Variants in SAMD12 observed in about 807,000 individuals in gnomAD.
The protein encoded by SAMD12 is sterile alpha motif domain containing 12.
Under a neutral mutation model 15.0 loss-of-function variants are expected in SAMD12, and 9 were observed. The ratio of observed to expected loss-of-function variants is 0.60; its 90% CI spans 0.36 to 1.05. The LOEUF (loss-of-function observed/expected upper bound fraction) is 1.05, where lower values mean the gene tolerates loss of function less well. Among genes scored for constraint, SAMD12 ranks in the 50% least tolerant of loss-of-function variants. The pLI is 0.01. For synonymous variants in SAMD12, 86 were observed against 90.1 expected (o/e 0.96, Z 0.25); for missense variants, 230 against 234.2 (o/e 0.98, Z 0.12).
the SAMD12 span, among the ~76,000 whole-genome samples, chr8:118,143,335 A>C: frequency 6.6e-6 from 1 of 152,230 alleles, no homozygotes; most frequent in African/African-American, 2.4e-5. Context: ...ATGTAAAAAA[A>C]ATTCACTAAG....
chr8:118,365,202 G>C (rs933603798), intron 4 of SAMD12, among the ~76,000 whole-genome samples: 2 of 151,964 alleles, frequency 1.3e-5, no homozygotes, highest in African/African-American at 2.4e-5. Flanking sequence ...ACTATATTAG[G>C]CTTCTTCATG....
chr8:118,145,640 C>T, the SAMD12 span, among the ~76,000 whole-genome samples: 3 of 152,078 alleles, frequency 2.0e-5, no homozygotes, highest in East Asian at 1.9e-4. Context: ...AAGCCGTGAA[C>T]GTGAAAGGGT....
At chr8:118,619,695 AG>A (rs1444007269) in intron 1 of SAMD12, among the ~76,000 whole-genome samples, 1 of 152,052 alleles carries the variant, frequency 6.6e-6, no homozygotes, top group Non-Finnish European at 1.5e-5. Flanking sequence ...CTAACCCCCA[AG>A]GGGGTTAGAG....
At chr8:118,477,401 G>A (rs1056483585) in intron 2 of SAMD12, among the ~76,000 whole-genome samples, 1 of 152,100 alleles carries the variant, frequency 6.6e-6, no homozygotes, top group African/African-American at 2.4e-5. Context: ...CAGAATGGCT[G>A]TTTCACAAGT....
intron 4 of SAMD12, among the ~76,000 whole-genome samples, chr8:118,311,122 C>T (rs1815609985): frequency 6.6e-6 from 1 of 152,218 alleles, no homozygotes; most frequent in South Asian, 2.1e-4. Flanking sequence ...TAGCAAACTG[C>T]TCAAAGCATC....
chr8:118,499,851 T>A (rs1824728695), intron 2 of SAMD12, among the ~76,000 whole-genome samples: 2 of 152,092 alleles, frequency 1.3e-5, no homozygotes, highest in South Asian at 2.1e-4. Context: ...CTCAAGAGAA[T>A]CAACAGAGTT....
intron 2 of SAMD12, among the ~76,000 whole-genome samples, chr8:118,513,281 A>G (rs1018498295): frequency 6.6e-6 from 1 of 152,234 alleles, no homozygotes; most frequent in Admixed American, 6.5e-5. Flanking sequence ...ATATTTTAAA[A>G]ACCCAATAAA....
intron 1 of SAMD12, among the ~76,000 whole-genome samples, chr8:118,590,471 G>C (rs1306879919): frequency 6.6e-6 from 1 of 152,204 alleles, no homozygotes; most frequent in Admixed American, 6.5e-5. Context: ...TATGAGAGGT[G>C]AGCCTTCCTT....
chr8:118,532,848 T>A (rs199516361), intron 2 of SAMD12, among the ~76,000 whole-genome samples: 2 of 152,128 alleles, frequency 1.3e-5, no homozygotes, highest in Non-Finnish European at 2.9e-5. Flanking sequence ...TACTAGTCTT[T>A]CTAGCGGTCT....
chr8:118,300,263 T>C (rs1182505223), intron 4 of SAMD12, among the ~76,000 whole-genome samples: 1 of 152,244 alleles, frequency 6.6e-6, no homozygotes, highest in African/African-American at 2.4e-5. Flanking sequence ...TTATTCATCC[T>C]ATCTAGCCGT....
chr8:118,454,408 A>C (rs1234037729), intron 2 of SAMD12, among the ~76,000 whole-genome samples: 3 of 152,126 alleles, frequency 2.0e-5, no homozygotes. Flanking sequence ...AAATTTCATG[A>C]GAATGTGCTT....
chr8:118,466,977 T>C (rs1823613586), intron 2 of SAMD12, among the ~76,000 whole-genome samples: 2 of 152,220 alleles, frequency 1.3e-5, no homozygotes, highest in Admixed American at 1.3e-4. Context: ...ACTTGACATG[T>C]AATTCTTGGC....
chr8:118,530,044 G>T (rs929835051), intron 2 of SAMD12, among the ~76,000 whole-genome samples: 40 of 152,102 alleles, frequency 2.6e-4, no homozygotes, highest in Non-Finnish European at 5.0e-4. Flanking sequence ...AACATCTGTT[G>T]TTGACTTCTG....
rs534336682 is a variant in SAMD12, at chr8:118,453,252, G to A, written c.193-13291C>T. 4.6e-5 allele frequency among the ~76,000 whole-genome samples: 7 copies of A among 152,110 alleles called. No homozygotes were observed. In the East Asian group the frequency reaches 1.2e-3, roughly 25 times the overall value. On this transcript the variant is annotated intron_variant, in intron 2 of 3. Coordinates refer to ENST00000314727, the MANE Select transcript of SAMD12 (RefSeq NM_207506.3). ...TATGCCAAGTATGATGGTAAATTGA[G>A]TCACAGGTAAAAAAATCAATAAGTA...
chr8:118,617,394 G>GA (rs1828265276), intron 1 of SAMD12, among the ~76,000 whole-genome samples: 1 of 152,198 alleles, frequency 6.6e-6, no homozygotes, highest in South Asian at 2.1e-4. Flanking sequence ...TTCTACAGGA[G>GA]AAAAAACATA....
intron 4 of SAMD12, among the ~76,000 whole-genome samples, chr8:118,252,575 C>T (rs899095668): frequency 6.6e-6 from 1 of 152,088 alleles, no homozygotes; most frequent in Non-Finnish European, 1.5e-5. Context: ...TTTTCTTGCT[C>T]CCTTCTTTTT....
At chr8:118,183,302 G>A in the SAMD12 span, among the ~76,000 whole-genome samples, 1 of 152,186 alleles carries the variant, frequency 6.6e-6, no homozygotes, top group Admixed American at 6.5e-5. Context: ...TGAATTCTGT[G>A]CAATTCTTTA....
chr8:118,602,879 AAAAC>A (rs1348818632), intron 1 of SAMD12, among the ~76,000 whole-genome samples: 11 of 152,202 alleles, frequency 7.2e-5, no homozygotes, highest in Non-Finnish European at 1.2e-4. Context: ...TGAACAAACA[AAAAC>A]AAACAATTAG....
At chr8:118,183,838 G>A in the SAMD12 span, among the ~76,000 whole-genome samples, 6 of 150,612 alleles carry the variant, frequency 4.0e-5, no homozygotes, top group South Asian at 2.2e-4. Flanking sequence ...CCACCCTCCC[G>A]CCTTCTGAAT....
Sources: gnomAD v4.1 joint callset for allele counts (sites outside exome capture counted in the v4.1 genomes callset) on GRCh38, gnomAD v4.1.1 for gene constraint, MANE v1.5 for transcripts, NCBI Gene and HGNC (gene_info 2026-07-23, HGNC 2026-07-21) for gene names.